ZMYM2: variants seen among roughly 807,000 people sequenced by gnomAD.
ZMYM2 encodes zinc finger MYM-type protein 2.
Under a neutral mutation model 162.8 loss-of-function variants are expected in ZMYM2, and 56 were observed. The ratio of observed to expected loss-of-function variants is 0.34; its 90% confidence interval spans 0.28 to 0.43. The LOEUF is 0.43. Ranked by LOEUF, ZMYM2 falls within the 20% of genes least tolerant of loss-of-function variation. The probability of loss-of-function intolerance (pLI) is 1.00; values close to 1 mark genes in which losing one functional copy is unlikely to be tolerated. For synonymous variants in ZMYM2, 510 were observed against 541.6 expected, an observed-to-expected ratio of 0.94 and a Z score of 0.81; for missense variants, 1,275 against 1,621.8, an observed-to-expected ratio of 0.79 and a Z score of 3.67.
At chr13:19,930,255 G>A in the ZMYM2 span, among the ~76,000 whole-genome samples, 1 of 152,004 alleles carries the variant, frequency 6.6e-6, no homozygotes, top group African/African-American at 2.4e-5. Context: ...ACAAGAATTA[G>A]CCGGGCATGG....
At chr13:19,896,456 T>C in the ZMYM2 span, among the ~76,000 whole-genome samples, 1 of 150,444 alleles carries the variant, frequency 6.6e-6, no homozygotes, top group Non-Finnish European at 1.5e-5. Context: ...TAAGTACTCC[T>C]TATAAGAATG....
chr13:19,887,166 C>G, the ZMYM2 span, among the ~76,000 whole-genome samples: 1 of 151,840 alleles, frequency 6.6e-6, no homozygotes, highest in Non-Finnish European at 1.5e-5. Context: ...TCTTTCTTTT[C>G]TCATTATTAG....
At chr13:19,983,298 T>A (rs1849651239) in intron 2 of ZMYM2, among the ~76,000 whole-genome samples, 1 of 151,986 alleles carries the variant, frequency 6.6e-6, no homozygotes, top group Non-Finnish European at 1.5e-5. Flanking sequence ...GTGTGTGCCA[T>A]CATGGCACGG....
intron 6 of ZMYM2, among the ~76,000 whole-genome samples, chr13:20,007,657 G>A (rs1024983724): frequency 9.1e-5 from 12 of 131,470 alleles, no homozygotes; most frequent in Admixed American, 5.0e-4. Context: ...GTTTCGCTCT[G>A]TTGCCCAGGC....
intron 2 of ZMYM2, among the ~76,000 whole-genome samples, chr13:19,964,868 AT>A (rs1294655721): frequency 3.9e-5 from 6 of 152,222 alleles, no homozygotes; most frequent in Admixed American, 3.3e-4. Context: ...ATCAGGATAA[AT>A]TTGCTAGGAA....
At chr13:19,991,436 ACT>A (rs1264753780) in intron 2 of ZMYM2, among the ~76,000 whole-genome samples, 1 of 151,550 alleles carries the variant, frequency 6.6e-6, no homozygotes, top group Non-Finnish European at 1.5e-5. Context: ...TATCTTCTTA[ACT>A]CTGCTATTTT....
At chr13:20,052,883 T>G (rs1955489855) in intron 14 of ZMYM2, among the ~76,000 whole-genome samples, 1 of 152,186 alleles carries the variant, frequency 6.6e-6, no homozygotes, top group African/African-American at 2.4e-5. Context: ...TATTAATGGC[T>G]TTATGCATTT....
the ZMYM2 span, among the ~76,000 whole-genome samples, chr13:19,916,794 G>T: frequency 6.6e-6 from 1 of 152,000 alleles, no homozygotes; most frequent in Non-Finnish European, 1.5e-5. Flanking sequence ...CAAACCAACA[G>T]GGCGCATGTA....
Position 20,005,110 on chromosome 13 carries a change from A to G in ZMYM2, c.1170A>G (p.Gln390=), listed in dbSNP as rs1950646260. ...CAATGAAAGGAACCATTGTTGCTCA[A>G]GTGGATTCAAGTGAGTCCTTCCAGG... is the stretch of plus-strand genomic sequence containing the variant. The part of the protein sequence containing the change: ...ITTMKGTIVA[Q]VDSSESFQEF... The change falls in exon 5 of 25, where the codon CAA becomes CAG. Residue 390 remains glutamine (Q), a synonymous_variant. Coordinates refer to ENST00000610343, the MANE Select transcript of ZMYM2 (RefSeq NM_197968.4). The G allele has an allele frequency of 1.9e-6, 3 of 1,607,790 alleles. No individual in the cohort carries two copies. Among genetic ancestry groups the G allele is most frequent in the Non-Finnish European group, 2.5e-6 (3 of 1,178,008 alleles).
At chr13:20,036,170 T>C (rs1402176273) in intron 11 of ZMYM2, among the ~76,000 whole-genome samples, 1 of 152,130 alleles carries the variant, frequency 6.6e-6, no homozygotes, top group Non-Finnish European at 1.5e-5. Flanking sequence ...AATAAGGATA[T>C]GTAAAAATAC....
chr13:20,013,147 C>T (rs1198782088), intron 6 of ZMYM2, among the ~76,000 whole-genome samples: 1 of 152,120 alleles, frequency 6.6e-6, no homozygotes, highest in African/African-American at 2.4e-5. Context: ...TTTCAGCAGT[C>T]TTTTGTGGTT....
chr13:20,007,074 A>G (rs568357312), intron 6 of ZMYM2, among the ~76,000 whole-genome samples: 3 of 152,330 alleles, frequency 2.0e-5, no homozygotes, highest in Admixed American at 6.5e-5. Context: ...AAATATTTCA[A>G]ACTTTTAAAC....
At chr13:19,864,769 G>A in the ZMYM2 span, 4 of 152,304 alleles carry the variant, frequency 2.6e-5, no homozygotes, top group Non-Finnish European at 4.4e-5. Flanking sequence ...GGCCCCTGCG[G>A]GGAGCAGAAT....
chr13:19,868,894 G>C, the ZMYM2 span, among the ~76,000 whole-genome samples: 1 of 152,236 alleles, frequency 6.6e-6, no homozygotes, highest in East Asian at 1.9e-4. Flanking sequence ...GGGATTACAG[G>C]CGCCTGCCAC....
chr13:20,009,578 C>T (rs1430638089), intron 6 of ZMYM2, among the ~76,000 whole-genome samples: 4 of 152,216 alleles, frequency 2.6e-5, no homozygotes, highest in African/African-American at 7.2e-5. Context: ...TTTTTCTATC[C>T]CAGTCCTTGG....
intron 11 of ZMYM2, among the ~76,000 whole-genome samples, chr13:20,035,190 G>A (rs1953571153): frequency 6.6e-6 from 1 of 152,158 alleles, no homozygotes; most frequent in Non-Finnish European, 1.5e-5. Context: ...ATTCCTGACT[G>A]CTAGTTTGGA....
At chr13:20,063,671 C>T (rs946052062) in intron 18 of ZMYM2, among the ~76,000 whole-genome samples, 1 of 150,156 alleles carries the variant, frequency 6.7e-6, no homozygotes, top group Non-Finnish European at 1.5e-5. Flanking sequence ...ATCCCAGCTA[C>T]TGGGGAGGCT....
At chr13:19,966,194 G>T (rs1264645581) in intron 2 of ZMYM2, among the ~76,000 whole-genome samples, 1 of 151,408 alleles carries the variant, frequency 6.6e-6, no homozygotes, top group Non-Finnish European at 1.5e-5. Flanking sequence ...GAGTGCAATG[G>T]TGCAATCTCG....
intron 2 of ZMYM2, among the ~76,000 whole-genome samples, chr13:19,963,332 G>C (rs1344669580): frequency 1.3e-5 from 2 of 152,166 alleles, no homozygotes; most frequent in African/African-American, 4.8e-5. Flanking sequence ...GCATAGAAGT[G>C]AACAGGACTT....
Sources: gnomAD v4.1 joint callset for allele counts (sites outside exome capture counted in the v4.1 genomes callset) on GRCh38, gnomAD v4.1.1 for gene constraint, MANE v1.5 for transcripts, NCBI Gene and HGNC (gene_info 2026-07-23, HGNC 2026-07-21) for gene names.